Variants in DENND1A observed in about 807,000 individuals in gnomAD.
DENND1A encodes DENN domain-containing protein 1A.
In DENND1A, 51 loss-of-function variants were observed where a neutral mutation model predicts 113.7. That is an observed-to-expected ratio of 0.45 (90% CI 0.36 to 0.57). DENND1A has a LOEUF of 0.57. DENND1A is among the 20% of genes least tolerant of loss of function. The pLI is 0.00. For missense variants in DENND1A, 1,258 were observed against 1,395.9 expected, an observed-to-expected ratio of 0.90 and a Z score of 1.57; for synonymous variants, 565 against 570.8, an observed-to-expected ratio of 0.99 and a Z score of 0.14.
At chr9:123,618,692 T>C (rs1324685166) in intron 10 of DENND1A, among the ~76,000 whole-genome samples, 1 of 152,174 alleles carries the variant, frequency 6.6e-6, no homozygotes, top group Non-Finnish European at 1.5e-5. Flanking sequence ...CATTCCCCTA[T>C]GTGGGAAGGT....
intron 9 of DENND1A, among the ~76,000 whole-genome samples, chr9:123,632,646 G>A (rs1206539432): frequency 3.3e-5 from 5 of 152,064 alleles, no homozygotes; most frequent in Non-Finnish European, 7.4e-5. Context: ...AGCCTGGCCC[G>A]GATGGCTCCA....
At chr9:123,867,638 T>C (rs1329557302) in intron 2 of DENND1A, among the ~76,000 whole-genome samples, 1 of 152,154 alleles carries the variant, frequency 6.6e-6, no homozygotes, top group East Asian at 1.9e-4. Context: ...CCTCCAGTAA[T>C]AGCACCAGAT....
intron 12 of DENND1A, among the ~76,000 whole-genome samples, chr9:123,565,643 G>A (rs2058016070): frequency 6.6e-6 from 1 of 152,210 alleles, no homozygotes; most frequent in Non-Finnish European, 1.5e-5. Flanking sequence ...TAGGGAATGT[G>A]TGCGTCTGGA....
At chr9:123,717,925 A>C (rs1344619333) in intron 5 of DENND1A, among the ~76,000 whole-genome samples, 1 of 152,230 alleles carries the variant, frequency 6.6e-6, no homozygotes, top group Admixed American at 6.5e-5. Context: ...TTGGAAACAT[A>C]CAACTCTTAA....
chr9:123,688,745 A>G (rs1166971205), intron 5 of DENND1A, among the ~76,000 whole-genome samples: 3 of 152,214 alleles, frequency 2.0e-5, no homozygotes, highest in African/African-American at 7.2e-5. Context: ...AAGCTACAAC[A>G]TAAAATGCCA....
At chr9:123,508,198 A>C (rs1438113721) in intron 13 of DENND1A, among the ~76,000 whole-genome samples, 3 of 152,242 alleles carry the variant, frequency 2.0e-5, no homozygotes, top group Non-Finnish European at 2.9e-5. Flanking sequence ...GAAAAGTAGC[A>C]AAAGTTTTGG....
intron 14 of DENND1A, 22 bp from the exon 15 acceptor site, chr9:123,457,457 G>A (rs2048209255): frequency 1.9e-6 from 3 of 1,571,948 alleles, no homozygotes; most frequent in Non-Finnish European, 2.6e-6. Flanking sequence ...AGGAACAAAA[G>A]CACAACAGCT....
intron 1 of DENND1A, among the ~76,000 whole-genome samples, chr9:123,919,650 G>A (rs1235570281): frequency 6.6e-6 from 1 of 151,936 alleles, no homozygotes; most frequent in African/African-American, 2.4e-5. Flanking sequence ...GGGAGGTGGA[G>A]GCAGGCAGAT....
intron 10 of DENND1A, among the ~76,000 whole-genome samples, chr9:123,612,113 G>T (rs1441066223): frequency 6.6e-6 from 1 of 152,168 alleles, no homozygotes; most frequent in Non-Finnish European, 1.5e-5. Context: ...TGCAAATTTG[G>T]ACAAATACCT....
intron 13 of DENND1A, among the ~76,000 whole-genome samples, chr9:123,534,307 T>C (rs537032586): frequency 2.7e-3 from 416 of 152,340 alleles, no homozygotes; most frequent in Non-Finnish European, 4.5e-3. Flanking sequence ...ATGTTTAGTT[T>C]TGCTTACTGT....
chr9:123,788,280 G>A (rs575657330), intron 3 of DENND1A, among the ~76,000 whole-genome samples: 3 of 151,922 alleles, frequency 2.0e-5, no homozygotes, highest in African/African-American at 7.2e-5. Flanking sequence ...AAATCTCTCC[G>A]ATAGGTTATT....
intron 13 of DENND1A, among the ~76,000 whole-genome samples, chr9:123,549,337 G>C (rs1485018052): frequency 6.6e-6 from 1 of 152,094 alleles, no homozygotes; most frequent in Non-Finnish European, 1.5e-5. Flanking sequence ...GCACAAGATG[G>C]GGGCACAGAC....
intron 2 of DENND1A, among the ~76,000 whole-genome samples, chr9:123,868,490 C>G (rs1846095242): frequency 6.6e-6 from 1 of 152,182 alleles, no homozygotes; most frequent in Non-Finnish European, 1.5e-5. Context: ...TTTAATCTTT[C>G]AACTAAAACA....
chr9:123,822,919 AAAG>A (rs1319431356), intron 2 of DENND1A, among the ~76,000 whole-genome samples: 5 of 152,230 alleles, frequency 3.3e-5, no homozygotes, highest in Non-Finnish European at 5.9e-5. Flanking sequence ...GGCAGGGAGA[AAAG>A]AAAAGAAGAG....
chr9:123,384,028 C>T lies in DENND1A; in HGVS notation c.1761-115G>A, dbSNP rs541551958. 67 of 1,394,276 alleles carry T rather than the reference C, an allele frequency of 4.8e-5. No homozygotes were observed. In the African/African-American group the frequency reaches 8.7e-4, roughly 18 times the overall value. 86.4% of individuals were successfully genotyped at this position (1,394,276 alleles called of 1,614,324 possible). A position where few individuals can be genotyped will look rare whatever the true frequency, so the allele number is the denominator to read the frequency against. On this transcript the variant is annotated intron_variant, in intron 22 of 23. Transcript: ENST00000394215. ...GGGGTGCACGCAGGGGCCTGCGGGA[C>T]AGGAGAGTGTCCCGGGGTCTCCGTG...
chr9:123,651,725 T>A (rs906197212), intron 9 of DENND1A, among the ~76,000 whole-genome samples: 6 of 152,270 alleles, frequency 3.9e-5, no homozygotes, highest in African/African-American at 1.4e-4. Flanking sequence ...TGAAATATGG[T>A]GTAGACATTA....
intron 1 of DENND1A, among the ~76,000 whole-genome samples, chr9:123,893,044 A>G (rs769053850): frequency 1.1e-4 from 16 of 152,260 alleles, no homozygotes; most frequent in Admixed American, 2.6e-4. Flanking sequence ...ATAAGAATAA[A>G]GAATGGTCTG....
chr9:123,785,292 C>T (rs1000216002), intron 3 of DENND1A, among the ~76,000 whole-genome samples: 1 of 152,092 alleles, frequency 6.6e-6, no homozygotes, highest in South Asian at 2.1e-4. Context: ...TTTGAGGATA[C>T]AGTGAGCTAT....
At chr9:123,854,850 A>G (rs929102034) in intron 2 of DENND1A, among the ~76,000 whole-genome samples, 15 of 151,130 alleles carry the variant, frequency 9.9e-5, no homozygotes, top group Non-Finnish European at 2.1e-4. Flanking sequence ...CTACCGAGAT[A>G]GTACCAGACA....
Sources: gnomAD v4.1 joint callset for allele counts (sites outside exome capture counted in the v4.1 genomes callset) on GRCh38, gnomAD v4.1.1 for gene constraint, MANE v1.5 for transcripts, NCBI Gene and HGNC (gene_info 2026-07-23, HGNC 2026-07-21) for gene names.